ASTN2: variants seen among roughly 807,000 people sequenced by gnomAD.
ASTN2 encodes the protein astrotactin 2.
In ASTN2, 54 loss-of-function variants were observed where a neutral mutation model predicts 139.8. The ratio of observed to expected loss-of-function variants is 0.39; its 90% CI spans 0.31 to 0.48. The LOEUF (loss-of-function observed/expected upper bound fraction) is 0.48. Among genes scored for constraint, ASTN2 ranks in the 20% least tolerant of loss-of-function variants. The probability of loss-of-function intolerance (pLI) is 0.95; values close to 1 mark genes in which losing one functional copy is unlikely to be tolerated. For synonymous variants in ASTN2, 756 were observed against 719.5 expected (o/e 1.05, Z -0.81); for missense variants, 1,565 against 1,725.1 (o/e 0.91, Z 1.64).
chr9:116,839,515 T>C (rs2132299292), intron 11 of ASTN2, among the ~76,000 whole-genome samples: 1 of 152,162 alleles, frequency 6.6e-6, no homozygotes. Context: ...AGTCTCGCTC[T>C]GTCACCCAGG....
chr9:117,395,890 T>G (rs1450975632), intron 1 of ASTN2, among the ~76,000 whole-genome samples: 3 of 152,252 alleles, frequency 2.0e-5, no homozygotes, highest in Non-Finnish European at 4.4e-5. Context: ...AAGCTACTGC[T>G]GAACAACAAC....
chr9:117,261,251 G>C (rs1308400162), intron 2 of ASTN2, among the ~76,000 whole-genome samples: 1 of 152,150 alleles, frequency 6.6e-6, no homozygotes, highest in Non-Finnish European at 1.5e-5. Flanking sequence ...GGAAACCTTT[G>C]TTTACAAATA....
intron 17 of ASTN2, among the ~76,000 whole-genome samples, chr9:116,649,155 ATCACT>A (rs1857764166): frequency 6.6e-6 from 1 of 152,196 alleles, no homozygotes; most frequent in South Asian, 2.1e-4. Flanking sequence ...TCCTATGTTC[ATCACT>A]TCCTTGCTTC....
chr9:116,484,891 C>T (rs1334799211), intron 20 of ASTN2, among the ~76,000 whole-genome samples: 1 of 152,168 alleles, frequency 6.6e-6, no homozygotes, highest in Admixed American at 6.5e-5. Flanking sequence ...GTGTTAATTG[C>T]TTTCAGGATT....
At position 116,690,971 on chromosome 9, in the gene ASTN2, G is replaced by A. The variant is rs548935389; in HGVS notation, c.2806+34800C>T. ...GTCTTGCTGTGTCACCCAGGCTGGA[G>A]TGCAGTGGTGCAATCACAGTTCACT... On this transcript the variant is annotated intron_variant, in intron 16 of 22. Coordinates refer to ENST00000313400, the MANE Select transcript of ASTN2 (RefSeq NM_001365068.1). 6.6e-5 allele frequency among the ~76,000 whole-genome samples: 10 copies of A among 152,252 alleles called. No individual in the cohort carries two copies. In the South Asian group the frequency reaches 1.7e-3, roughly 25 times the overall value.
chr9:117,182,246 AT>A (rs201752545), intron 3 of ASTN2, among the ~76,000 whole-genome samples: 19,461 of 146,922 alleles, frequency 0.13, 1,298 homozygotes, highest in Middle Eastern at 0.17. Context: ...AAAAAAAAAA[AT>A]AATAAGATTT....
chr9:117,225,108 G>A (rs1043154830), intron 2 of ASTN2, among the ~76,000 whole-genome samples: 1 of 152,068 alleles, frequency 6.6e-6, no homozygotes, highest in Non-Finnish European at 1.5e-5. Flanking sequence ...AATTTGAATG[G>A]TACACAGCAC....
chr9:116,682,256 C>G (rs1306852882), intron 16 of ASTN2, among the ~76,000 whole-genome samples: 9 of 152,100 alleles, frequency 5.9e-5, no homozygotes, highest in Non-Finnish European at 1.3e-4. Flanking sequence ...ATTTATGCAG[C>G]CAAAAAACAC....
chr9:117,197,104 T>C (rs1831531447), intron 3 of ASTN2: 1 of 152,146 alleles, frequency 6.6e-6, no homozygotes, highest in African/African-American at 2.4e-5. Flanking sequence ...GTGCAGAAAA[T>C]TAAGATAATG....
At chr9:117,296,277 C>CAAAAAAAAAAAAAAAAAAAAAAA (rs5900277) in intron 1 of ASTN2, among the ~76,000 whole-genome samples, 3 of 71,008 alleles carry the variant, frequency 4.2e-5, no homozygotes, top group African/African-American at 1.2e-4. Flanking sequence ...GACTGCATCT[C>CAAAAAAAAAAAAAAAAAAAAAAA]AAAAAAAAAA....
At chr9:116,989,165 G>C (rs756379683) in intron 7 of ASTN2, among the ~76,000 whole-genome samples, 1 of 151,812 alleles carries the variant, frequency 6.6e-6, no homozygotes, top group Non-Finnish European at 1.5e-5. Context: ...AGCTATCTTT[G>C]GGAATTTAAA....
intron 1 of ASTN2, among the ~76,000 whole-genome samples, chr9:117,375,717 T>G (rs1005725883): frequency 1.2e-4 from 18 of 152,182 alleles, no homozygotes; most frequent in Non-Finnish European, 1.2e-4. Flanking sequence ...TTCCCATTGC[T>G]GCTGTAACGA....
chr9:116,760,287 G>C (rs549781272), intron 13 of ASTN2, among the ~76,000 whole-genome samples: 8 of 152,180 alleles, frequency 5.3e-5, no homozygotes, highest in Non-Finnish European at 8.8e-5. Context: ...TCAGTGTTAA[G>C]ACTATTTTTT....
At chr9:117,379,041 G>A (rs998944681) in intron 1 of ASTN2, among the ~76,000 whole-genome samples, 4 of 152,122 alleles carry the variant, frequency 2.6e-5, no homozygotes, top group African/African-American at 9.7e-5. Flanking sequence ...CTTCCACCAT[G>A]ATTGGAAGCT....
rs1349524222 is a variant in ASTN2, at chr9:117,414,281, G to A, written c.442+216C>T. Reference sequence around the variant, plus strand: ...GGCAGGTTCCCACTGCGGGAGGGTTGGCACGCCCCCAGGCTCCCGCCGCGC... The same window carrying A: ...GGCAGGTTCCCACTGCGGGAGGGTTAGCACGCCCCCAGGCTCCCGCCGCGC... On this transcript the variant is annotated intron_variant, in intron 1 of 22. Transcript: ENST00000313400. This position sits in a 1 kb window ranked among gnomAD's most constrained non-coding sequence, Gnocchi z 4.2. 6.6e-6 allele frequency among the ~76,000 whole-genome samples: 1 copy of A among 152,116 alleles called. No homozygotes were observed. Among genetic ancestry groups the A allele is most frequent in the Non-Finnish European group, 1.5e-5 (1 of 68,002 alleles).
At chr9:117,117,862 A>G (rs137876278) in intron 4 of ASTN2, among the ~76,000 whole-genome samples, 12 of 152,282 alleles carry the variant, frequency 7.9e-5, no homozygotes, top group African/African-American at 2.6e-4. Flanking sequence ...CATGGCACTC[A>G]TTCCCAGGGT....
chr9:116,733,354 T>G (rs1419561425), intron 14 of ASTN2, 45 bp downstream of exon 14: 7 of 1,534,608 alleles, frequency 4.6e-6, no homozygotes, highest in South Asian at 1.3e-5. Context: ...GGAGACTCGG[T>G]GTGTGGTCAG....
chr9:116,917,195 T>C (rs140522987), intron 10 of ASTN2, among the ~76,000 whole-genome samples: 153 of 152,310 alleles, frequency 1.0e-3, no homozygotes, highest in African/African-American at 3.6e-3. Flanking sequence ...ACTGTGACTT[T>C]CTCAAAAAAG....
chr9:116,973,187 G>A (rs1231485920), intron 10 of ASTN2, among the ~76,000 whole-genome samples: 1 of 152,094 alleles, frequency 6.6e-6, no homozygotes, highest in Non-Finnish European at 1.5e-5. Context: ...TATGCCTCAG[G>A]TTTGTTTATT....
Sources: gnomAD v4.1 joint callset for allele counts (sites outside exome capture counted in the v4.1 genomes callset) on GRCh38, gnomAD v4.1.1 for gene constraint, Gnocchi (gnomAD v3.1) non-coding constraint, MANE v1.5 for transcripts, NCBI Gene and HGNC (gene_info 2026-07-23, HGNC 2026-07-21) for gene names.